The following VAC14 variants were observed in gnomAD, a reference collection of about 807,000 sequenced individuals.
VAC14 encodes VAC14 component of PIKFYVE complex.
VAC14 carries 47 observed loss-of-function variants against 85.3 expected under a neutral mutation model. The observed-to-expected ratio is 0.55, with a 90% CI of 0.44 to 0.70. The LOEUF is 0.70. Ranked by LOEUF, VAC14 falls within the 30% of genes least tolerant of loss-of-function variation. The pLI, the probability that VAC14 is intolerant of heterozygous loss-of-function variation, is 0.00. For synonymous variants in VAC14, 447 were observed against 430.5 expected (o/e 1.04, Z -0.47); for missense variants, 861 against 1,004.3 (o/e 0.86, Z 1.93).
intron 15 of VAC14, among the ~76,000 whole-genome samples, chr16:70,697,704 C>G (rs1238658709): frequency 2.0e-5 from 3 of 152,184 alleles, no homozygotes; most frequent in African/African-American, 7.2e-5. Flanking sequence ...ACTTGGAAAC[C>G]ACCCAGGAAC....
intron 1 of VAC14, among the ~76,000 whole-genome samples, chr16:70,788,534 C>T (rs909870484): frequency 1.3e-5 from 2 of 152,284 alleles, no homozygotes; most frequent in South Asian, 2.1e-4. Context: ...CTCAAAACAG[C>T]GTACTAAGGC....
At chr16:70,765,479 C>A (rs1161764790) in intron 10 of VAC14, among the ~76,000 whole-genome samples, 1 of 152,206 alleles carries the variant, frequency 6.6e-6, no homozygotes, top group Non-Finnish European at 1.5e-5. Context: ...TCCTACACAG[C>A]CTCAAGTCAC....
intron 18 of VAC14, chr16:70,690,894 A>G: frequency 1.0e-6 from 1 of 985,478 alleles, no homozygotes; most frequent in East Asian, 1.1e-4. Context: ...ATTGAAGGCT[A>G]GGGGGTGTCT....
intron 10 of VAC14, among the ~76,000 whole-genome samples, chr16:70,763,670 G>A (rs1009204252): frequency 3.9e-5 from 6 of 152,220 alleles, no homozygotes; most frequent in Admixed American, 6.5e-5. Context: ...GCTCCTTTGA[G>A]TTGGGGAAGG....
At chr16:70,778,359 T>A (rs2033631206) in intron 9 of VAC14, 1 of 152,114 alleles carries the variant, frequency 6.6e-6, no homozygotes, top group African/African-American at 2.4e-5. Context: ...GCTTGACTTC[T>A]TGCCACATAA....
At chr16:70,757,867 A>G (rs1454538895) in intron 12 of VAC14, among the ~76,000 whole-genome samples, 1 of 152,170 alleles carries the variant, frequency 6.6e-6, no homozygotes, top group Non-Finnish European at 1.5e-5. Flanking sequence ...AGCTTCCACT[A>G]TTATTTTCTG....
chr16:70,789,483 C>T (rs1332160051), intron 1 of VAC14, among the ~76,000 whole-genome samples: 5 of 152,194 alleles, frequency 3.3e-5, no homozygotes, highest in Admixed American at 2.6e-4. Context: ...AAGGGAGGTG[C>T]GCACACAGCT....
intron 2 of VAC14, 102 bp from the exon 3 acceptor site, chr16:70,785,971 G>A (rs2034036396): frequency 1.4e-6 from 2 of 1,408,244 alleles, no homozygotes; most frequent in African/African-American, 1.4e-5. Context: ...AAGGTGCTCA[G>A]GCCTTTGTGT....
rs1307297966 is a variant in VAC14 at position 70,776,147 on chromosome 16, C to T, written c.1097-3975G>A. Among the ~76,000 whole-genome samples the T allele has an allele frequency of 2.6e-5, 4 of 152,198 alleles. No individual in the cohort carries two copies. The East Asian group carries it at 7.7e-4, about 29-fold the overall frequency. On this transcript the variant is annotated intron_variant, in intron 9 of 18. Coordinates refer to ENST00000261776, the MANE Select transcript of VAC14 (RefSeq NM_018052.5). ...TAGAAATGGGGTCTCATTCTCTCCC[C>T]CAGGCTGTAGTGGCGTGATCATGGC...
intron 13 of VAC14, among the ~76,000 whole-genome samples, chr16:70,739,087 G>A (rs1409159741): frequency 6.6e-6 from 1 of 152,252 alleles, no homozygotes; most frequent in African/African-American, 2.4e-5. Flanking sequence ...CCCTTCACAT[G>A]CAGGGAGCAT....
intron 12 of VAC14, among the ~76,000 whole-genome samples, chr16:70,750,964 C>G (rs2031338217): frequency 6.6e-6 from 1 of 152,152 alleles, no homozygotes; most frequent in South Asian, 2.1e-4. Context: ...CACCTCCCAC[C>G]AAGATTCCCG....
chr16:70,716,233 A>C (rs1050562912), intron 14 of VAC14: 6 of 151,920 alleles, frequency 3.9e-5, no homozygotes, highest in Non-Finnish European at 7.4e-5. Context: ...GGCCCCTCCC[A>C]TGAGGCTGCA....
At chr16:70,688,130 G>A (rs764369032) in intron 18 of VAC14, 40 bp from the exon 19 acceptor site, 8 of 1,481,474 alleles carry the variant, frequency 5.4e-6, no homozygotes, top group Non-Finnish European at 7.2e-6. Context: ...TCAGGGATCA[G>A]CTCACAGGGG....
chr16:70,744,050 ACC>A (rs1362336844), intron 13 of VAC14, among the ~76,000 whole-genome samples: 1 of 152,188 alleles, frequency 6.6e-6, no homozygotes, highest in Admixed American at 6.5e-5. Flanking sequence ...GGGAATGGCC[ACC>A]TAGTCTTCCA....
At chr16:70,774,852 T>C (rs1471530418) in intron 9 of VAC14, among the ~76,000 whole-genome samples, 4 of 151,762 alleles carry the variant, frequency 2.6e-5, no homozygotes, top group Admixed American at 2.6e-4. Flanking sequence ...TTCAAATGAT[T>C]CTCATGCCTC....
chr16:70,755,227 G>A, intron 12 of VAC14: 1 of 347,912 alleles, frequency 2.9e-6, no homozygotes, highest in Middle Eastern at 4.1e-4. Flanking sequence ...ACTGAGCCCT[G>A]GAGGGGGGCT....
At chr16:70,773,226 A>C (rs1219875030) in intron 9 of VAC14, 2 of 152,328 alleles carry the variant, frequency 1.3e-5, no homozygotes, top group African/African-American at 2.4e-5. Flanking sequence ...CATGAATTCT[A>C]TCTCAATAAA....
At chr16:70,759,455 C>T (rs889512558) in intron 12 of VAC14, among the ~76,000 whole-genome samples, 7 of 152,016 alleles carry the variant, frequency 4.6e-5, no homozygotes, top group Non-Finnish European at 7.4e-5. Context: ...GGTGAAAGCC[C>T]GTCTCTACTA....
intron 9 of VAC14, among the ~76,000 whole-genome samples, chr16:70,776,258 G>A (rs976260678): frequency 5.3e-5 from 8 of 151,972 alleles, no homozygotes; most frequent in African/African-American, 1.2e-4. Context: ...GTGCCACCTC[G>A]CCCAGCTAAT....
Sources: allele counts gnomAD v4.1 joint callset (sites outside exome capture counted in the v4.1 genomes callset), GRCh38; gene constraint gnomAD v4.1.1; transcripts MANE v1.5; gene names NCBI Gene and HGNC (gene_info 2026-07-23, HGNC 2026-07-21).